The following EFR3B variants were observed in gnomAD, a reference collection of about 807,000 sequenced individuals.
The protein encoded by EFR3B is protein EFR3 homolog B.
A neutral mutation model predicts 104.7 loss-of-function variants in EFR3B; 64 were observed. The ratio of observed to expected loss-of-function variants is 0.61; its 90% CI spans 0.50 to 0.75. The LOEUF (loss-of-function observed/expected upper bound fraction) is 0.75, where lower values mean the gene tolerates loss of function less well. Ranked by LOEUF, EFR3B falls within the 30% of genes least tolerant of loss-of-function variation. EFR3B has a pLI of 0.00. For missense variants in EFR3B, 750 were observed against 1,078.5 expected (o/e 0.70, Z 4.27); for synonymous variants, 385 against 417.9 (o/e 0.92, Z 0.96).
chr2:25,125,633 G>T (rs1670141382), intron 5 of EFR3B, among the ~76,000 whole-genome samples: 1 of 152,130 alleles, frequency 6.6e-6, no homozygotes, highest in Admixed American at 6.5e-5. Context: ...ACCCAGGGTA[G>T]CACCCTGGCA....
chr2:25,149,890 C>A, intron 20 of EFR3B, 148 bp downstream of exon 20: 1 of 761,266 alleles, frequency 1.3e-6, no homozygotes, highest in South Asian at 1.6e-5. Flanking sequence ...TTGACAAACT[C>A]ATCACAGCCA....
At chr2:25,096,121 T>C (rs1475888209) in intron 3 of EFR3B, among the ~76,000 whole-genome samples, 1 of 152,106 alleles carries the variant, frequency 6.6e-6, no homozygotes, top group Non-Finnish European at 1.5e-5. Context: ...GTTCAAGCGA[T>C]TCTCCTGCCT....
intron 3 of EFR3B, among the ~76,000 whole-genome samples, chr2:25,096,047 A>C (rs1309695713): frequency 6.6e-6 from 1 of 151,504 alleles, no homozygotes; most frequent in East Asian, 1.9e-4. Context: ...ATGGAGTCTC[A>C]GTCTGTCGCC....
chr2:25,123,104 T>G (rs1670065925), intron 5 of EFR3B, among the ~76,000 whole-genome samples: 1 of 152,182 alleles, frequency 6.6e-6, no homozygotes. Flanking sequence ...GGCTCATGTC[T>G]GTAATCTCAG....
chr2:25,153,911 C>T, intron 22 of EFR3B, 150 bp downstream of exon 22: 2 of 835,040 alleles, frequency 2.4e-6, no homozygotes, highest in Non-Finnish European at 3.9e-6. Flanking sequence ...GAGTCAGCCA[C>T]CAACTCTAAC....
intron 1 of EFR3B, among the ~76,000 whole-genome samples, chr2:25,078,149 T>TTC: frequency 6.6e-6 from 1 of 152,330 alleles, no homozygotes; most frequent in East Asian, 1.9e-4. Context: ...TATTTTAAAC[T>TTC]TCTTTCTCTT....
intron 16 of EFR3B, among the ~76,000 whole-genome samples, chr2:25,141,040 CAAAAA>C (rs78559860): frequency 1.1e-4 from 8 of 74,420 alleles, no homozygotes; most frequent in Non-Finnish European, 1.8e-4. Flanking sequence ...GACTCCGTCT[CAAAAA>C]AAAAAAAAAA....
chr2:25,126,347 C>T (rs1438483912), intron 5 of EFR3B, among the ~76,000 whole-genome samples: 1 of 151,996 alleles, frequency 6.6e-6, no homozygotes, highest in Non-Finnish European at 1.5e-5. Context: ...CACCACCATA[C>T]CTGGCTAATT....
intron 3 of EFR3B, among the ~76,000 whole-genome samples, chr2:25,094,073 G>A (rs1669209194): frequency 6.6e-6 from 1 of 151,948 alleles, no homozygotes; most frequent in Non-Finnish European, 1.5e-5. Flanking sequence ...GATCACTTGA[G>A]CCCAGGAGTT....
At chr2:25,135,352 A>G in intron 12 of EFR3B, 115 bp from the exon 13 acceptor site, 1 of 1,241,444 alleles carries the variant, frequency 8.1e-7, no homozygotes, top group Non-Finnish European at 1.1e-6. Flanking sequence ...GGATTGGGCG[A>G]TGTCTAGAGA....
intron 12 of EFR3B, among the ~76,000 whole-genome samples, chr2:25,133,797 G>A (rs1055310503): frequency 6.6e-6 from 1 of 151,982 alleles, no homozygotes; most frequent in Non-Finnish European, 1.5e-5. Context: ...CCCCTGTTTT[G>A]CCAGCACGTG....
Position 25,139,062 on chromosome 2 carries a change from G to C in EFR3B, c.1726G>C (p.Val576Leu), listed in dbSNP as rs1270589286. The change falls in exon 16 of 23, where the codon GTG becomes CTG. Residue 576 changes from valine (V) to leucine (L), a missense_variant. Physicochemically the swap from Val to Leu is conservative, Grantham distance 32. Transcript: ENST00000403714. ...LIRLVLAVQD[V>L]AQVNEENLPV... ...GGCCTTGTCTATGTTGCCGCAGGAC[G>C]TGGCCCAAGTCAATGAGGAGAACTT... 1 of 1,551,698 alleles carries C rather than the reference G, an allele frequency of 6.4e-7. No individual in the cohort carries two copies. The highest frequency in any genetic ancestry group is 1.2e-5 in the South Asian group (1 of 84,052).
At chr2:25,123,319 C>T (rs545671904) in intron 5 of EFR3B, among the ~76,000 whole-genome samples, 1 of 151,846 alleles carries the variant, frequency 6.6e-6, no homozygotes, top group Non-Finnish European at 1.5e-5. Flanking sequence ...ATGATCGCAC[C>T]CCTGCACTCC....
In EFR3B at chr2:25,154,609, TGG is replaced by T. The variant is rs1671108451; in HGVS notation, c.*272_*273del. 2.4e-6 allele frequency: 1 copy of T among 425,190 alleles called. No individual in the cohort carries two copies. The highest frequency in any genetic ancestry group is 4.2e-6 in the Non-Finnish European group (1 of 239,756). 26.3% of individuals were successfully genotyped at this position (425,190 alleles called of 1,614,324 possible). On this transcript the variant is annotated 3_prime_UTR_variant, in exon 23 of 23. Transcript: ENST00000403714. The surrounding 1 kb of genome is among the most constrained non-coding windows in gnomAD (Gnocchi z 4.1). Reference sequence around the variant, plus strand: ...TGTGTCAGCCAGGGGCAGAGAATCATGGGGTGTCTCTCAGGAGAAGCCGGGGG... The same window carrying T: ...TGTGTCAGCCAGGGGCAGAGAATCATGGTGTCTCTCAGGAGAAGCCGGGGG...
At chr2:25,106,054 CT>C in intron 4 of EFR3B, among the ~76,000 whole-genome samples, 1 of 152,246 alleles carries the variant, frequency 6.6e-6, no homozygotes, top group Non-Finnish European at 1.5e-5. Context: ...GTCTGATGCT[CT>C]TTCCAGCTCT....
intron 6 of EFR3B, among the ~76,000 whole-genome samples, chr2:25,129,349 C>CGGGGGCGGGGGCGGGGGCG (rs1226225092): frequency 6.2e-5 from 1 of 16,038 alleles, no homozygotes; most frequent in African/African-American, 1.1e-4. Context: ...GGGGCGGGGG[C>CGGGGGCGGGGGCGGGGGCG]GGGGCGTGGG....
At chr2:25,059,017 A>T (rs908941931) in intron 1 of EFR3B, among the ~76,000 whole-genome samples, 1 of 152,196 alleles carries the variant, frequency 6.6e-6, no homozygotes, top group African/African-American at 2.4e-5. Flanking sequence ...CATTATTCAC[A>T]ATGGCCTAAC....
At chr2:25,113,204 C>T (rs1005320764) in intron 4 of EFR3B, among the ~76,000 whole-genome samples, 4 of 152,046 alleles carry the variant, frequency 2.6e-5, no homozygotes, top group Non-Finnish European at 5.9e-5. Context: ...GGCGACTTTC[C>T]TCATCATTGC....
rs1197497804 is a variant in EFR3B, at chr2:25,157,766, T to G, written c.*3426T>G. 5.9e-5 allele frequency: 9 copies of G among 151,976 alleles called. No homozygotes were observed. The highest frequency in any genetic ancestry group is 3.9e-4 in the Admixed American group (6 of 15,248). 9.4% of individuals were successfully genotyped at this position (151,976 alleles called of 1,614,324 possible). A position where few individuals can be genotyped will look rare whatever the true frequency, so the allele number is the denominator to read the frequency against. Reference sequence around the variant, plus strand: ...TCCCTCTGTTTTCCTTGCCATGGAGTCCCCAGCGCCTTGTGCCTGTTTCCA... The same window carrying G: ...TCCCTCTGTTTTCCTTGCCATGGAGGCCCCAGCGCCTTGTGCCTGTTTCCA... On this transcript the variant is annotated 3_prime_UTR_variant, in exon 23 of 23. Transcript: ENST00000403714.
Sources: allele counts gnomAD v4.1 joint callset (sites outside exome capture counted in the v4.1 genomes callset), GRCh38; gene constraint gnomAD v4.1.1; non-coding constraint Gnocchi (gnomAD v3.1); transcripts MANE v1.5; gene names NCBI Gene and HGNC (gene_info 2026-07-23, HGNC 2026-07-21).